The following CPA5 variants were observed in gnomAD, a reference collection of about 807,000 sequenced individuals.
CPA5 encodes the protein testicular tissue protein Li 32.
CPA5 carries 38 observed loss-of-function variants against 52.2 expected under a neutral mutation model. That is an observed-to-expected ratio of 0.73 (90% CI 0.56 to 0.95). CPA5 has a LOEUF of 0.95. Among genes scored for constraint, CPA5 ranks in the 40% least tolerant of loss-of-function variants. The pLI is 0.00. For synonymous variants in CPA5, 198 were observed against 213.7 expected (o/e 0.93, Z 0.64); for missense variants, 519 against 566.7 (o/e 0.92, Z 0.86).
Position 130,347,807 on chromosome 7 carries a change from T to G in CPA5, c.158T>G (p.Leu53Arg), listed in dbSNP as rs1794862105. Residue 53 changes from leucine to arginine, a missense_variant, in exon 4 of 13, where the codon CTT (leucine) becomes CGT (arginine). Transcript: ENST00000474905. ...GTCCTGGCCAAAGATGAGAAGCAGC[T>G]TTCACTTCTCGGGGATCTGGAGGGC... Reference protein sequence around the residue: ...LRVLAKDEKQLSLLGDLEGLK... With the variant: ...LRVLAKDEKQRSLLGDLEGLK... 1.2e-6 allele frequency: 2 copies of G among 1,614,004 alleles called. No homozygotes were observed. The highest frequency in any genetic ancestry group is 1.7e-6 in the Non-Finnish European group (2 of 1,179,984).
intron 10 of CPA5, among the ~76,000 whole-genome samples, chr7:130,366,359 T>G (rs1167504519): frequency 2.6e-5 from 4 of 152,142 alleles, no homozygotes; most frequent in Admixed American, 6.5e-5. Context: ...GAAACTGGGA[T>G]GACTCCTTCC....
intron 3 of CPA5, among the ~76,000 whole-genome samples, chr7:130,347,319 C>T (rs573830604): frequency 7.9e-5 from 12 of 152,322 alleles, no homozygotes; most frequent in East Asian, 5.8e-4. Context: ...ACCTTCCGGG[C>T]GTCGAGACAG....
At chr7:130,366,340 G>A (rs927560030) in intron 10 of CPA5, among the ~76,000 whole-genome samples, 2 of 152,296 alleles carry the variant, frequency 1.3e-5, no homozygotes, top group Admixed American at 1.3e-4. Context: ...GGGAAGAGGA[G>A]AGAGAGGAGA....
downstream of CPA5, among the ~76,000 whole-genome samples, chr7:130,373,577 G>T (rs1796314025): frequency 1.3e-5 from 2 of 152,268 alleles, no homozygotes; most frequent in African/African-American, 4.8e-5. Context: ...GGGATCCAGG[G>T]AGTGCAGTGA....
At chr7:130,346,291 G>T (rs1364904411) in intron 2 of CPA5, 102 bp from the exon 3 acceptor site, 10 of 465,804 alleles carry the variant, frequency 2.1e-5, no homozygotes. Context: ...CTTCCCAGGA[G>T]AGGATGTGCT....
At chr7:130,357,258 AG>A (rs1795528436) in intron 5 of CPA5, among the ~76,000 whole-genome samples, 1 of 152,160 alleles carries the variant, frequency 6.6e-6, no homozygotes, top group Non-Finnish European at 1.5e-5. Context: ...GTGAGTCATT[AG>A]GCATTGCCTC....
intron 4 of CPA5, 79 bp downstream of exon 4, chr7:130,347,926 T>C (rs1584786138): frequency 1.1e-6 from 1 of 893,752 alleles, no homozygotes; most frequent in Non-Finnish European, 1.7e-6. Context: ...CCTGCCCCCC[T>C]TTATCCCAAA....
chr7:130,365,763 C>T (rs987734429), intron 10 of CPA5, among the ~76,000 whole-genome samples: 1 of 152,230 alleles, frequency 6.6e-6, no homozygotes, highest in Non-Finnish European at 1.5e-5. Flanking sequence ...GCAGGGGAAC[C>T]GCTTTCTGTG....
In CPA5 at chr7:130,345,040, A is replaced by T. The variant is rs1317273441; in HGVS notation, c.-317A>T. 2.0e-5 allele frequency: 3 copies of T among 152,092 alleles called. No individual in the cohort carries two copies. The highest frequency in any genetic ancestry group is 7.2e-5 in the African/African-American group (3 of 41,404). The allele number at this position is 152,092 out of a possible 1,614,324, so 9.4% of individuals were successfully genotyped here. On this transcript the variant is annotated 5_prime_UTR_variant, in exon 1 of 13. Coordinates refer to ENST00000474905, the MANE Select transcript of CPA5 (RefSeq NM_080385.5). ...TTTAGCAGTACACCCTTTTATCTCCATTGCTACTGAAGCTGAATGTTACTT... is the reference window on the plus strand; with the variant it reads ...TTTAGCAGTACACCCTTTTATCTCCTTTGCTACTGAAGCTGAATGTTACTT...
chr7:130,348,389 A>G (rs73721876), intron 4 of CPA5, among the ~76,000 whole-genome samples: 5,578 of 152,332 alleles, frequency 0.037, 293 homozygotes, highest in African/African-American at 0.12. Flanking sequence ...TGGAACTACC[A>G]GATATTCCTG....
At chr7:130,373,411 AAG>A (rs1796312820), downstream of CPA5, among the ~76,000 whole-genome samples, 1 of 152,224 alleles carries the variant, frequency 6.6e-6, no homozygotes, top group Non-Finnish European at 1.5e-5. Flanking sequence ...TGAAGAGAGA[AAG>A]AGCAATTCTA....
rs552193585 is a variant in CPA5, at chr7:130,349,679, C to T, written c.199-296C>T. On this transcript the variant is annotated intron_variant, in intron 4 of 12. Coordinates refer to ENST00000474905, the MANE Select transcript of CPA5 (RefSeq NM_080385.5). ...ACATTGTATACCTGTATCAAAATATCCCATATACCCCAGAAATATATACAC... is the reference window on the plus strand; with the variant it reads ...ACATTGTATACCTGTATCAAAATATTCCATATACCCCAGAAATATATACAC... Among the ~76,000 whole-genome samples, 8 of 144,668 alleles carry T rather than the reference C, an allele frequency of 5.5e-5. No individual in the cohort carries two copies. The East Asian group carries it at 1.4e-3, about 26-fold the overall frequency. The allele number at this position is 144,668 out of a possible 152,430, so 94.9% of individuals were successfully genotyped here.
chr7:130,368,834 C>T (rs1796246517), downstream of CPA5: 1 of 541,814 alleles, frequency 1.8e-6, no homozygotes, highest in Non-Finnish European at 3.3e-6. Context: ...GTGGGGGAAG[C>T]CTCTGCACTC....
At position 130,362,690 on chromosome 7, in the gene CPA5, CT is replaced by C. The variant is rs1795858507; in HGVS notation, c.636+155del. The C allele has an allele frequency of 4.5e-6, 3 of 663,436 alleles. No homozygotes were observed. In the East Asian group the frequency reaches 8.1e-5, roughly 18 times the overall value. The allele number at this position is 663,436 out of a possible 1,614,324, so 41.1% of individuals were successfully genotyped here. ...TGGAGCAGCCACCGTGCACTCTTAC[CT>C]TTTGCAGCACGGAGCCCACATTGAT... On this transcript the variant is annotated intron_variant, in intron 8 of 12. Transcript: ENST00000474905.
At chr7:130,360,887 T>G (rs1166686619) in intron 6 of CPA5, among the ~76,000 whole-genome samples, 1 of 152,218 alleles carries the variant, frequency 6.6e-6, no homozygotes, top group Non-Finnish European at 1.5e-5. Context: ...GCACACACTG[T>G]TCTTCCAGGC....
rs542109102 is a variant in CPA5 at position 130,362,684 on chromosome 7, T to A, written c.636+145T>A. On this transcript the variant is annotated intron_variant, in intron 8 of 12. Coordinates refer to ENST00000474905, the MANE Select transcript of CPA5 (RefSeq NM_080385.5). ...GCCCTTTGGAGCAGCCACCGTGCAC[T>A]CTTACCTTTTGCAGCACGGAGCCCA... 2.7e-4 allele frequency: 183 copies of A among 666,514 alleles called. 1 individual carries two copies. The Middle Eastern group carries it at 7.9e-3, about 29-fold the overall frequency. 41.3% of individuals were successfully genotyped at this position (666,514 alleles called of 1,614,324 possible).
intron 4 of CPA5, among the ~76,000 whole-genome samples, 194 bp downstream of exon 4, chr7:130,348,041 T>C (rs1187637876): frequency 1.3e-5 from 2 of 152,216 alleles, no homozygotes; most frequent in Non-Finnish European, 2.9e-5. Flanking sequence ...TTGGGCTGCC[T>C]TTTTAGTCTG....
chr7:130,359,637 G>A lies in CPA5; in HGVS notation c.382G>A (p.Glu128Lys), dbSNP rs1795682164. Residue 128 changes from glutamate (E) to lysine (K), a missense_variant, in exon 6 of 13, where the codon GAG becomes AAG. By Grantham distance (56) the Glu-to-Lys change is moderately conservative. Transcript: ENST00000474905. ...GGCCATGGCGAAATCCCGCCGGCTG[G>A]AGCGCAGCACCAACAGCTTCAGTTA... ...RQAMAKSRRL[E>K]RSTNSFSYSS... 2 of 1,584,148 alleles carry A rather than the reference G, an allele frequency of 1.3e-6. No individual in the cohort carries two copies. The highest frequency in any genetic ancestry group is 1.7e-6 in the Non-Finnish European group (2 of 1,165,214).
At chr7:130,349,045 T>C (rs1554403137) in intron 4 of CPA5, among the ~76,000 whole-genome samples, 1 of 152,204 alleles carries the variant, frequency 6.6e-6, no homozygotes, top group East Asian at 1.9e-4. Flanking sequence ...GACTTAATAA[T>C]GGCCCCAAAG....
Sources: gnomAD v4.1 joint callset for allele counts (sites outside exome capture counted in the v4.1 genomes callset) on GRCh38, gnomAD v4.1.1 for gene constraint, MANE v1.5 for transcripts, NCBI Gene and HGNC (gene_info 2026-07-23, HGNC 2026-07-21) for gene names.